Variants in USP25 observed in about 807,000 individuals in gnomAD.
USP25 encodes ubiquitin specific peptidase 25.
A neutral mutation model predicts 158.5 loss-of-function variants in USP25; 85 were observed. That is an observed-to-expected ratio of 0.54 (90% CI 0.45 to 0.64). USP25 has a LOEUF of 0.64. Among genes scored for constraint, USP25 ranks in the 30% least tolerant of loss-of-function variants. The pLI is 0.00. For missense variants in USP25, 1,242 were observed against 1,327.3 expected (o/e 0.94, Z 1.00); for synonymous variants, 464 against 460.4 (o/e 1.01, Z -0.10).
At chr21:15,876,769 G>A (rs1244501494) in intron 24 of USP25, 1 of 152,084 alleles carries the variant, frequency 6.6e-6, no homozygotes, top group Non-Finnish European at 1.5e-5. Context: ...TTGATTCATG[G>A]CCAAGTTGGA....
At position 15,791,493 on chromosome 21, in the gene USP25, T is replaced by C; in HGVS notation, c.393-9T>C. Reference sequence around the variant, plus strand: ...TATAATGCTGCATTTTTTTCCACCATTGATTAAGAGTTCTTGAAGCCAGCA... The same window carrying C: ...TATAATGCTGCATTTTTTTCCACCACTGATTAAGAGTTCTTGAAGCCAGCA... On this transcript the variant is annotated splice_polypyrimidine_tract_variant and intron_variant, in intron 4 of 25. Transcript: ENST00000400183. 2 of 1,591,710 alleles carry C rather than the reference T, an allele frequency of 1.3e-6. No individual in the cohort carries two copies. The highest frequency in any genetic ancestry group is 1.8e-5 in the Admixed American group (1 of 56,546).
intron 9 of USP25, among the ~76,000 whole-genome samples, chr21:15,817,827 A>G (rs2037022899): frequency 6.6e-6 from 1 of 152,158 alleles, no homozygotes. Flanking sequence ...CCCACAATAC[A>G]GGAGAATTAT....
At chr21:15,820,459 A>C (rs966667355) in intron 10 of USP25, among the ~76,000 whole-genome samples, 1 of 151,340 alleles carries the variant, frequency 6.6e-6, no homozygotes, top group Admixed American at 6.6e-5. Context: ...CATCTAGCCT[A>C]GGGAATATAA....
intron 1 of USP25, among the ~76,000 whole-genome samples, chr21:15,743,596 T>C (rs2032264800): frequency 6.6e-6 from 1 of 152,168 alleles, no homozygotes; most frequent in Non-Finnish European, 1.5e-5. Flanking sequence ...TTAAAAGCAT[T>C]ATTCGGAAAG....
intron 17 of USP25, 57 bp from the exon 18 acceptor site, chr21:15,842,336 TTTATC>T: frequency 8.0e-6 from 12 of 1,506,252 alleles, no homozygotes; most frequent in Non-Finnish European, 9.8e-6. Flanking sequence ...GAATAAAAGA[TTTATC>T]TTAGTATAGA....
At chr21:15,734,105 T>G (rs1026478630) in intron 1 of USP25, among the ~76,000 whole-genome samples, 2 of 152,134 alleles carry the variant, frequency 1.3e-5, no homozygotes, top group Non-Finnish European at 2.9e-5. Flanking sequence ...GTGTTCTGTA[T>G]AGGGAGAATA....
At chr21:15,871,417 TA>T (rs1287908777) in intron 23 of USP25, among the ~76,000 whole-genome samples, 6 of 152,138 alleles carry the variant, frequency 3.9e-5, no homozygotes, top group Non-Finnish European at 7.4e-5. Flanking sequence ...GAGTGAGATA[TA>T]AAAAGGCATT....
rs749536022 is a variant in USP25 at position 15,730,957 on chromosome 21, TTTC to T, written c.45+531_45+533del. Reference sequence around the variant, plus strand: ...GTTTCTTTTCCTTTTAAGGTTTCCCTTTCTTCTTCTTCTTTTCTGTTTTTTTTT... The same window carrying T: ...GTTTCTTTTCCTTTTAAGGTTTCCCTTTCTTCTTCTTTTCTGTTTTTTTTT... On this transcript the variant is annotated intron_variant, in intron 1 of 25. Transcript: ENST00000400183. Among the ~76,000 whole-genome samples, 25 of 148,890 alleles carry T rather than the reference TTTC, an allele frequency of 1.7e-4. No homozygotes were observed. The East Asian group carries it at 2.6e-3, about 15-fold the overall frequency.
rs1360629174 is a variant in USP25, at chr21:15,842,479, A to C, written c.2276A>C (p.Gln759Pro). 16 of 1,613,838 alleles carry C rather than the reference A, an allele frequency of 9.9e-6. No homozygotes were observed. The highest frequency in any genetic ancestry group is 1.4e-5 in the Non-Finnish European group (16 of 1,179,800). ...FSKHLKEETI[Q>P]IITKASHEHE... is the part of the protein sequence containing the mutation. Reference sequence around the variant, plus strand: ...AAGCACTTGAAAGAAGAAACTATTCAAATAATTACCAAGGCATCACATGAG... The same window carrying C: ...AAGCACTTGAAAGAAGAAACTATTCCAATAATTACCAAGGCATCACATGAG... Residue 759 changes from glutamine (Q) to proline (P), a missense_variant, in exon 18 of 26, where the codon CAA becomes CCA. Gln to Pro is a moderately conservative substitution (Grantham distance 76, BLOSUM62 -1). Coordinates refer to ENST00000400183, the MANE Select transcript of USP25 (RefSeq NM_001283041.3).
chr21:15,798,976 G>A (rs2146246222), intron 5 of USP25, among the ~76,000 whole-genome samples: 1 of 151,170 alleles, frequency 6.6e-6, no homozygotes, highest in East Asian at 1.9e-4. Flanking sequence ...CCCAAGAAAG[G>A]AATATACTGT....
chr21:15,793,004 T>C (rs1406882170), intron 5 of USP25, among the ~76,000 whole-genome samples: 1 of 151,634 alleles, frequency 6.6e-6, no homozygotes, highest in African/African-American at 2.4e-5. Context: ...CTTAATAGGC[T>C]ATCTCACTTT....
chr21:15,770,712 T>G (rs79736279), intron 3 of USP25, among the ~76,000 whole-genome samples: 5,538 of 152,272 alleles, frequency 0.036, 324 homozygotes, highest in African/African-American at 0.13. Flanking sequence ...AGTTTCTCAG[T>G]TGCACTTTAA....
intron 1 of USP25, among the ~76,000 whole-genome samples, chr21:15,749,213 T>A (rs183772831): frequency 6.6e-6 from 1 of 152,220 alleles, no homozygotes; most frequent in Admixed American, 6.5e-5. Flanking sequence ...GTGTACATAT[T>A]TGAGTGCCTG....
At chr21:15,757,596 AT>A (rs1421741593) in intron 1 of USP25, among the ~76,000 whole-genome samples, 31 of 152,282 alleles carry the variant, frequency 2.0e-4, no homozygotes, top group African/African-American at 7.2e-4. Context: ...ACACTCACAG[AT>A]TTGCTGGTTG....
intron 1 of USP25, among the ~76,000 whole-genome samples, chr21:15,760,970 T>G (rs1443710298): frequency 6.6e-6 from 1 of 152,250 alleles, no homozygotes; most frequent in Non-Finnish European, 1.5e-5. Context: ...ACATTTGGTA[T>G]GGGATGCAGT....
chr21:15,740,591 GA>G (rs2123211505), intron 1 of USP25, among the ~76,000 whole-genome samples: 1 of 147,606 alleles, frequency 6.8e-6, no homozygotes, highest in African/African-American at 2.5e-5. Context: ...TAAGGAGTTG[GA>G]AAGTGATTGT....
chr21:15,800,087 G>A (rs900957211), intron 6 of USP25, among the ~76,000 whole-genome samples: 3 of 151,066 alleles, frequency 2.0e-5, no homozygotes, highest in Middle Eastern at 3.4e-3. Flanking sequence ...TTTTTTTGGG[G>A]GGGACTGTCA....
chr21:15,838,282 A>G (rs1251930607), intron 17 of USP25, among the ~76,000 whole-genome samples: 1 of 151,944 alleles, frequency 6.6e-6, no homozygotes, highest in Non-Finnish European at 1.5e-5. Context: ...ACGACATATG[A>G]TAGATGTTCC....
chr21:15,845,315 C>T (rs2038529436), intron 18 of USP25, among the ~76,000 whole-genome samples: 1 of 152,032 alleles, frequency 6.6e-6, no homozygotes, highest in Non-Finnish European at 1.5e-5. Flanking sequence ...TAACTCTTTT[C>T]AAGTTTAGCC....
Sources: gnomAD v4.1 joint callset for allele counts (sites outside exome capture counted in the v4.1 genomes callset) on GRCh38, gnomAD v4.1.1 for gene constraint, MANE v1.5 for transcripts, NCBI Gene and HGNC (gene_info 2026-07-23, HGNC 2026-07-21) for gene names.